RPL18: variants seen among roughly 807,000 people sequenced by gnomAD.
RPL18 encodes large ribosomal subunit protein eL18.
Under a neutral mutation model 25.0 loss-of-function variants are expected in RPL18, and 4 were observed. That is an observed-to-expected ratio of 0.16 (90% CI 0.08 to 0.37). RPL18 has a LOEUF of 0.37. Among genes scored for constraint, RPL18 ranks in the 10% least tolerant of loss-of-function variants. The pLI, the probability that RPL18 is intolerant of heterozygous loss-of-function variation, is 1.00. For missense variants in RPL18, 179 were observed against 267.9 expected (o/e 0.67, Z 2.32); for synonymous variants, 129 against 101.6 (o/e 1.27, Z -1.62).
Position 48,617,384 on chromosome 19 carries a change from T to G in RPL18, c.130A>C (p.Asn44His), listed in dbSNP as rs1974205985. The G allele has an allele frequency of 1.2e-6, 2 of 1,614,128 alleles. No individual in the cohort carries two copies. The highest frequency in any genetic ancestry group is 1.7e-6 in the Non-Finnish European group (2 of 1,180,026). The change falls in exon 3 of 7, where the codon AAC becomes CAC. Residue 44 changes from asparagine to histidine, a missense_variant. Asn to His is a moderately conservative substitution (Grantham distance 68). Transcript: ENST00000549920. ...FLARRTNSTF[N>H]QVVLKRLFMS... Reference sequence around the variant, plus strand: ...AACAACCTCTTCAACACAACCTGGTTGAATGTGGAGTTGGTTCTTCTGGCC... The same window carrying G: ...AACAACCTCTTCAACACAACCTGGTGGAATGTGGAGTTGGTTCTTCTGGCC...
chr19:48,615,885 G>C lies in RPL18; in HGVS notation c.483C>G (p.Ser161Arg), dbSNP rs1232339057. The stretch of plus-strand genomic sequence containing the variant: ...GGGGGCCTGATACTCACTTGGTGTG[G>C]CTGTGCGGGGTTCCTGGGGCCTTGC... ...HFGKAPGTPH[S>R]HTKPYVRSKG... The change falls in exon 6 of 7, where the codon AGC becomes AGG. Residue 161 changes from serine (S) to arginine (R), a missense_variant. By Grantham distance (110) the Ser-to-Arg change is moderately radical. Coordinates refer to ENST00000549920, the MANE Select transcript of RPL18 (RefSeq NM_000979.4). 6.2e-7 allele frequency: 1 copy of C among 1,610,656 alleles called. No homozygotes were observed. The highest frequency in any genetic ancestry group is 8.5e-7 in the Non-Finnish European group (1 of 1,178,588).
chr19:48,616,208 G>A lies in RPL18; in HGVS notation c.298-6C>T. Reference sequence around the variant, plus strand: ...GTCACGCGCAGTGCACATACCTGGTGGAGAGGACAAGGCTGGCGGGTCAGA... The same window carrying A: ...GTCACGCGCAGTGCACATACCTGGTAGAGAGGACAAGGCTGGCGGGTCAGA... On this transcript the variant is annotated splice_region_variant and splice_polypyrimidine_tract_variant and intron_variant, in intron 4 of 6. Coordinates refer to ENST00000549920, the MANE Select transcript of RPL18 (RefSeq NM_000979.4). 1.9e-6 allele frequency: 3 copies of A among 1,613,490 alleles called. No homozygotes were observed. Among genetic ancestry groups the A allele is most frequent in the Non-Finnish European group, 2.5e-6 (3 of 1,179,954 alleles).
intron 3 of RPL18, 60 bp downstream of exon 3, chr19:48,617,256 C>A: frequency 7.5e-7 from 1 of 1,329,758 alleles, no homozygotes; most frequent in Non-Finnish European, 1.1e-6. Flanking sequence ...TGCCTCCCTT[C>A]CAGACAGACA....
Position 48,617,791 on chromosome 19 carries a change from C to T in RPL18, c.90G>A (p.Lys30=). Residue 30 remains lysine (K), a splice_region_variant and synonymous_variant, in exon 2 of 7, where the codon AAG becomes AAA. Coordinates refer to ENST00000549920, the MANE Select transcript of RPL18 (RefSeq NM_000979.4). ...CAAAGACCTCAGGGCCCAGCCTCAC[C>T]TTGACCAACAGCCTCAGGTAGATAT... ...SQDIYLRLLV[K]LYRFLARRTN... The T allele has an allele frequency of 6.2e-7, 1 of 1,613,686 alleles. No individual in the cohort carries two copies. Among genetic ancestry groups the T allele is most frequent in the Non-Finnish European group, 8.5e-7 (1 of 1,179,558 alleles).
chr19:48,616,576 C>CA (rs1452585760), intron 4 of RPL18, 150 bp downstream of exon 4: 1 of 743,936 alleles, frequency 1.3e-6, no homozygotes, highest in Non-Finnish European at 2.4e-6. Flanking sequence ...CGACCCACAC[C>CA]AATCCTCAAA....
Position 48,618,888 on chromosome 19 carries a change from G to A in RPL18, c.3+253C>T, listed in dbSNP as rs912713165. 3.1e-5 allele frequency: 17 copies of A among 546,636 alleles called. No individual in the cohort carries two copies. The Admixed American group carries it at 5.4e-4, about 17-fold the overall frequency. The allele number at this position is 546,636 out of a possible 1,614,324, so 33.9% of individuals were successfully genotyped here. A position where few individuals can be genotyped will look rare whatever the true frequency, so the allele number is the denominator to read the frequency against. On this transcript the variant is annotated intron_variant, in intron 1 of 6. Transcript: ENST00000549920. ...CCACCTGGGTCGGAATCCTGGCTCT[G>A]CCACTTCCTGGCTTTGTAAACCCAG...
chr19:48,619,053 C>T, intron 1 of RPL18, 88 bp downstream of exon 1: 1 of 1,411,956 alleles, frequency 7.1e-7, no homozygotes, highest in East Asian at 2.4e-5. Context: ...GCCGCAGACC[C>T]CCTGCCGCCC....
At chr19:48,618,159 G>A (rs575788290) in intron 1 of RPL18, 2 of 289,792 alleles carry the variant, frequency 6.9e-6, no homozygotes, top group Admixed American at 9.7e-5. Flanking sequence ...CTTGTATTTT[G>A]CAACAATGTT....
intron 4 of RPL18, chr19:48,616,430 A>G (rs770421428): frequency 6.4e-5 from 41 of 641,908 alleles, no homozygotes; most frequent in Non-Finnish European, 9.8e-5. Context: ...TGGGCCAAAA[A>G]AAGACCTGTG....
chr19:48,618,050 G>T, intron 1 of RPL18, 173 bp from the exon 2 acceptor site: 2 of 571,504 alleles, frequency 3.5e-6, no homozygotes, highest in African/African-American at 3.8e-5. Context: ...TGTAAAAAGG[G>T]GCTGTTTACA....
At chr19:48,618,627 A>T (rs1974261575) in intron 1 of RPL18, 1 of 168,758 alleles carries the variant, frequency 5.9e-6, no homozygotes, top group Non-Finnish European at 1.3e-5. Flanking sequence ...AACTTGTCAG[A>T]TGAGATTACT....
chr19:48,618,693 TG>T, intron 1 of RPL18: 1 of 208,468 alleles, frequency 4.8e-6, no homozygotes, highest in Non-Finnish European at 9.9e-6. Flanking sequence ...CATCACAAGG[TG>T]GGAAGGGGCC....
rs138053229 is a variant in RPL18, at chr19:48,616,131, G to A, written c.369C>T (p.Phe123=). Residue 123 remains phenylalanine (F), a synonymous_variant, in exon 5 of 7, where the codon TTC becomes TTT. Coordinates refer to ENST00000549920, the MANE Select transcript of RPL18 (RefSeq NM_000979.4). ...TAGGGGAGTCCAGGGCCAGCTGGTC[G>A]AAAGTGAGGATCTTGCCCCCTGCCC... ...ILRAGGKILT[F]DQLALDSPKG... is the part of the protein sequence containing the mutation. 1.7e-5 allele frequency: 27 copies of A among 1,614,062 alleles called. No individual in the cohort carries two copies. In the South Asian group the frequency reaches 2.2e-4, roughly 13 times the overall value.
At position 48,617,529 on chromosome 19, in the gene RPL18, CT is replaced by C. The variant is rs552019221; in HGVS notation, c.91-107del. 464 of 914,222 alleles carry C rather than the reference CT, an allele frequency of 5.1e-4. 4 individuals carry two copies. In the African/African-American group the frequency reaches 6.7e-3, roughly 13 times the overall value. 56.6% of individuals were successfully genotyped at this position (914,222 alleles called of 1,614,324 possible). A position where few individuals can be genotyped will look rare whatever the true frequency, so the allele number is the denominator to read the frequency against. On this transcript the variant is annotated intron_variant, in intron 2 of 6. Coordinates refer to ENST00000549920, the MANE Select transcript of RPL18 (RefSeq NM_000979.4). ...ATCTGGACTAAAATAATCTTTATCCCTTTCCCCCAACCCACCGACCTAGAGG... is the reference window on the plus strand; with the variant it reads ...ATCTGGACTAAAATAATCTTTATCCCTTCCCCCAACCCACCGACCTAGAGG...
intron 1 of RPL18, 96 bp downstream of exon 1, chr19:48,619,045 C>G (rs1241805551): frequency 1.5e-6 from 2 of 1,352,980 alleles, no homozygotes; most frequent in East Asian, 4.9e-5. Flanking sequence ...TCCGGGCAGC[C>G]GCAGACCCCC....
In RPL18 at chr19:48,617,272, C is replaced by T. The variant is rs199934109; in HGVS notation, c.198+44G>A. The T allele has an allele frequency of 7.6e-6, 11 of 1,451,380 alleles. No homozygotes were observed. The East Asian group carries it at 2.5e-4, about 33-fold the overall frequency. 89.9% of individuals were successfully genotyped at this position (1,451,380 alleles called of 1,614,324 possible). ...GCCTCCCTTCCAGACAGACAAGACC[C>T]AGCGGCTCCCAGGTCTACCGTGCTC... is the stretch of plus-strand genomic sequence containing the variant. On this transcript the variant is annotated intron_variant, in intron 3 of 6. Transcript: ENST00000549920.
chr19:48,616,013 C>G (rs1441494694), intron 5 of RPL18, 66 bp downstream of exon 5: 4 of 1,613,394 alleles, frequency 2.5e-6, no homozygotes, highest in Non-Finnish European at 3.4e-6. Context: ...CTCCCAGATC[C>G]AGGAGGGTGA....
chr19:48,616,505 G>C, intron 4 of RPL18: 1 of 701,062 alleles, frequency 1.4e-6, no homozygotes, highest in Non-Finnish European at 2.6e-6. Flanking sequence ...AGCACTAACA[G>C]TTTACAACTT....
rs770949433 is a variant in RPL18, at chr19:48,615,337, C to CA, written c.*34dup. 40 of 1,534,136 alleles carry CA rather than the reference C, an allele frequency of 2.6e-5. No homozygotes were observed. The highest frequency in any genetic ancestry group is 4.5e-4 in the Middle Eastern group (2 of 4,438). On this transcript the variant is annotated 3_prime_UTR_variant, in exon 7 of 7. Coordinates refer to ENST00000549920, the MANE Select transcript of RPL18 (RefSeq NM_000979.4). ...AATAACACACACAGAGCACTGTCAG[C>CA]AAAAATCTTTTTAATAAGAGAGTAG... is the stretch of plus-strand genomic sequence containing the variant.
Sources: allele counts gnomAD v4.1 joint callset, GRCh38; gene constraint gnomAD v4.1.1; transcripts MANE v1.5; gene names NCBI Gene and HGNC (gene_info 2026-07-23, HGNC 2026-07-21).